Variants in ABL1 observed in about 807,000 individuals in gnomAD.
The protein encoded by ABL1 is ABL proto-oncogene 1, non-receptor tyrosine kinase.
ABL1 carries 11 observed loss-of-function variants against 94.7 expected under a neutral mutation model. That is an observed-to-expected ratio of 0.12 (90% CI 0.07 to 0.19). The LOEUF is 0.19. Among genes scored for constraint, ABL1 ranks in the 10% least tolerant of loss-of-function variants. The pLI is 1.00. For synonymous variants in ABL1, 656 were observed against 622.4 expected (o/e 1.05, Z -0.80); for missense variants, 1,082 against 1,489.4 (o/e 0.73, Z 4.50).
In ABL1 at chr9:130,862,828, G is replaced by A; in HGVS notation, c.615G>A (p.Val205=). 6.2e-7 allele frequency: 1 copy of A among 1,613,954 alleles called. No individual in the cohort carries two copies. Among genetic ancestry groups the A allele is most frequent in the Non-Finnish European group, 8.5e-7 (1 of 1,180,012 alleles). Residue 205 remains valine, a synonymous_variant, in exon 4 of 11, where the codon GTG becomes GTA. Transcript: ENST00000318560. This position sits in a 1 kb window ranked among gnomAD's most constrained non-coding sequence, Gnocchi z 5.5. ...LAELVHHHST[V]ADGLITTLHY... is the part of the protein sequence containing the mutation. ...AGTTGGTTCATCATCATTCAACGGT[G>A]GCCGACGGGCTCATCACCACGCTCC...
intron 1 of ABL1, among the ~76,000 whole-genome samples, chr9:130,809,411 A>AGTGT (rs1437328668): frequency 2.6e-4 from 30 of 116,964 alleles, no homozygotes; most frequent in Non-Finnish European, 4.7e-4. Context: ...AGAGAGAGAG[A>AGTGT]GAGAGAGTGT....
chr9:130,858,795 A>G (rs1268086524), intron 3 of ABL1, among the ~76,000 whole-genome samples: 2 of 152,326 alleles, frequency 1.3e-5, no homozygotes, highest in East Asian at 1.9e-4. Context: ...TCATCTTTAG[A>G]AAACAACTGA....
chr9:130,790,671 G>T (rs376324569), intron 1 of ABL1, among the ~76,000 whole-genome samples: 1 of 151,188 alleles, frequency 6.6e-6, no homozygotes, highest in Admixed American at 6.6e-5. Flanking sequence ...ACAGGGTCTC[G>T]CTGTGCTGCC....
chr9:130,735,963 T>TATATATATATA (rs1554757978), intron 1 of ABL1, among the ~76,000 whole-genome samples: 3 of 77,988 alleles, frequency 3.8e-5, no homozygotes, highest in African/African-American at 1.6e-4. Flanking sequence ...ATATATATAT[T>TATATATATATA]TTTTTTTTTT....
intron 1 of ABL1, among the ~76,000 whole-genome samples, chr9:130,739,921 A>G (rs1243325707): frequency 1.3e-5 from 2 of 152,208 alleles, no homozygotes; most frequent in Non-Finnish European, 2.9e-5. Flanking sequence ...ATAACAATAA[A>G]AAATGTGTAG....
chr9:130,882,766 C>T (rs990116415), intron 10 of ABL1, among the ~76,000 whole-genome samples: 2 of 152,154 alleles, frequency 1.3e-5, no homozygotes, highest in African/African-American at 2.4e-5. Flanking sequence ...TATCTCTTGA[C>T]CTCATGATCC....
At chr9:130,829,373 A>G (rs1423178587) in intron 1 of ABL1, among the ~76,000 whole-genome samples, 1 of 152,130 alleles carries the variant, frequency 6.6e-6, no homozygotes. Context: ...ATCCTGGTGT[A>G]ACACAGTGAA....
chr9:130,874,944 A>G lies in ABL1; in HGVS notation c.1162A>G (p.Met388Val). 2 of 1,614,134 alleles carry G rather than the reference A, an allele frequency of 1.2e-6. No individual in the cohort carries two copies. Among genetic ancestry groups the G allele is most frequent in the Non-Finnish European group, 1.7e-6 (2 of 1,180,018 alleles). ...AGCTGATTTTGGCCTGAGCAGGTTG[A>G]TGACAGGGGACACCTACACAGCCCA... ...KVADFGLSRL[M>V]TGDTYTAHAG... The change falls in exon 7 of 11, where the codon ATG (methionine) becomes GTG (valine). Residue 388 changes from methionine (M) to valine (V), a missense_variant. Physicochemically the swap from Met to Val is conservative, Grantham distance 21. This residue lies in a region of ABL1 where 76 missense variants were observed against 177.1 expected (regional missense o/e 0.43). Coordinates refer to ENST00000318560, the MANE Select transcript of ABL1 (RefSeq NM_005157.6).
At chr9:130,832,127 ATT>A (rs11442726), upstream of ABL1, among the ~76,000 whole-genome samples, 3 of 141,924 alleles carry the variant, frequency 2.1e-5, no homozygotes, top group Non-Finnish European at 1.5e-5. Context: ...CCTTCTAAAT[ATT>A]TTTTTTTTTT....
At position 130,826,995 on chromosome 9, in the gene ABL1, G is replaced by A. The variant is rs529296074; in HGVS notation, c.137-27069G>A. Reference sequence around the variant, plus strand: ...CAGGAGGCTGAGGCAGGAGAATGGCGTGAACCCTGAAGGCGGAGCTTGCAG... The same window carrying A: ...CAGGAGGCTGAGGCAGGAGAATGGCATGAACCCTGAAGGCGGAGCTTGCAG... On this transcript the variant is annotated intron_variant, in intron 1 of 10. Transcript: ENST00000372348. Among the ~76,000 whole-genome samples, 6 of 152,228 alleles carry A rather than the reference G, an allele frequency of 3.9e-5. No individual in the cohort carries two copies. In the East Asian group the frequency reaches 5.8e-4, roughly 15 times the overall value.
chr9:130,715,510 C>T (rs1337698507), intron 1 of ABL1, among the ~76,000 whole-genome samples: 1 of 152,198 alleles, frequency 6.6e-6, no homozygotes, highest in Non-Finnish European at 1.5e-5. Context: ...TTCACTTCAT[C>T]TAAATAAATC....
At chr9:130,740,900 C>T (rs979702111) in intron 1 of ABL1, among the ~76,000 whole-genome samples, 26 of 147,144 alleles carry the variant, frequency 1.8e-4, no homozygotes, top group Non-Finnish European at 3.3e-4. Flanking sequence ...CCTCCTACCT[C>T]GGCCTCACAA....
chr9:130,811,079 G>T (rs1293006645), intron 1 of ABL1, among the ~76,000 whole-genome samples: 1 of 151,736 alleles, frequency 6.6e-6, no homozygotes, highest in Admixed American at 6.6e-5. Context: ...AAAAATGAAG[G>T]CAAAATAAGG....
In ABL1 at chr9:130,885,190, A is replaced by C. The variant is rs745374852; in HGVS notation, c.2900A>C (p.Gln967Pro). 6.2e-7 allele frequency: 1 copy of C among 1,613,504 alleles called. No homozygotes were observed. Among genetic ancestry groups the C allele is most frequent in the East Asian group, 2.2e-5 (1 of 44,870 alleles). Reference sequence around the variant, plus strand: ...GTGCTCCCGGCCACTCCAAAGCCACAGTCCGCCAAGCCGTCGGGGACCCCC... The same window carrying C: ...GTGCTCCCGGCCACTCCAAAGCCACCGTCCGCCAAGCCGTCGGGGACCCCC... The part of the protein sequence containing the change: ...KPVLPATPKP[Q>P]SAKPSGTPIS... Residue 967 changes from glutamine to proline, a missense_variant, in exon 11 of 11, where the codon CAG becomes CCG. Physicochemically the swap from Gln to Pro is moderately conservative, Grantham distance 76. Coordinates refer to ENST00000318560, the MANE Select transcript of ABL1 (RefSeq NM_005157.6).
intron 1 of ABL1, among the ~76,000 whole-genome samples, chr9:130,757,805 T>A (rs566613272): frequency 2.6e-3 from 391 of 152,074 alleles, no homozygotes; most frequent in Non-Finnish European, 3.7e-3. Context: ...CCTCCCAAAG[T>A]GCTGGGATTA....
intron 1 of ABL1, among the ~76,000 whole-genome samples, chr9:130,765,030 C>G (rs1217674501): frequency 6.6e-6 from 1 of 151,834 alleles, no homozygotes; most frequent in East Asian, 1.9e-4. Flanking sequence ...CAAGTTCCTC[C>G]ACCCTTTTCT....
In ABL1 at chr9:130,835,506, C is replaced by T. The variant is rs1205782138; in HGVS notation, c.60C>T (p.Ser20=). The part of the protein sequence containing the change: ...GCKSKKGLSS[S]SSCYLEEALQ... Reference sequence around the variant, plus strand: ...AATCCAAGAAGGGGCTGTCCTCGTCCTCCAGCTGTTATCTGGAAGGTAAGC... The same window carrying T: ...AATCCAAGAAGGGGCTGTCCTCGTCTTCCAGCTGTTATCTGGAAGGTAAGC... Residue 20 remains serine, a synonymous_variant, in exon 1 of 11, where the codon TCC becomes TCT. Transcript: ENST00000318560. This position sits in a 1 kb window ranked among gnomAD's most constrained non-coding sequence, Gnocchi z 4.6. 1.3e-6 allele frequency: 2 copies of T among 1,560,764 alleles called. No individual in the cohort carries two copies. The highest frequency in any genetic ancestry group is 1.9e-5 in the Admixed American group (1 of 51,534).
At chr9:130,822,229 C>T (rs1334741629) in intron 1 of ABL1, among the ~76,000 whole-genome samples, 2 of 152,196 alleles carry the variant, frequency 1.3e-5, no homozygotes, top group African/African-American at 4.8e-5. Context: ...ACCTTGGCCT[C>T]CCAAAGTGTT....
intron 1 of ABL1, among the ~76,000 whole-genome samples, chr9:130,823,609 A>G (rs1462588760): frequency 2.6e-5 from 4 of 152,174 alleles, no homozygotes; most frequent in Non-Finnish European, 4.4e-5. Flanking sequence ...GCCAGCTGCC[A>G]TGGCCCCTCA....
Sources: gnomAD v4.1 joint callset for allele counts (sites outside exome capture counted in the v4.1 genomes callset) on GRCh38, gnomAD v4.1.1 for gene constraint, gnomAD v4.1.1 regional missense constraint, Gnocchi (gnomAD v3.1) non-coding constraint, MANE v1.5 for transcripts, NCBI Gene and HGNC (gene_info 2026-07-23, HGNC 2026-07-21) for gene names.